LINGO2: variants seen among roughly 807,000 people sequenced by gnomAD.
LINGO2 encodes the protein leucine-rich repeat and immunoglobulin-like domain-containing nogo receptor-interacting protein 2.
Under a neutral mutation model 30.6 loss-of-function variants are expected in LINGO2, and 14 were observed. That is an observed-to-expected ratio of 0.46 (90% CI 0.30 to 0.72). The LOEUF is 0.72. Ranked by LOEUF, LINGO2 falls within the 30% of genes least tolerant of loss-of-function variation. LINGO2 has a pLI of 0.07. For synonymous variants in LINGO2, 317 were observed against 288.5 expected (o/e 1.10, Z -1.00); for missense variants, 729 against 751.7 (o/e 0.97, Z 0.35).
At chr9:28,863,805 A>G in the LINGO2 span, 1 of 326,108 alleles carries the variant, frequency 3.1e-6, no homozygotes, top group Non-Finnish European at 7.0e-6. Context: ...CAATCAATTG[A>G]AGAATATGCT....
chr9:28,756,893 C>T, the LINGO2 span, among the ~76,000 whole-genome samples: 1 of 151,426 alleles, frequency 6.6e-6, no homozygotes, highest in Non-Finnish European at 1.5e-5. Flanking sequence ...ATAACCTAGT[C>T]TTAGGCAGAT....
At chr9:28,251,137 T>G (rs375197265) in intron 4 of LINGO2, among the ~76,000 whole-genome samples, 63 of 152,322 alleles carry the variant, frequency 4.1e-4, no homozygotes, top group African/African-American at 1.5e-3. Flanking sequence ...ACATTTACTT[T>G]AGAAAACCTC....
the LINGO2 span, among the ~76,000 whole-genome samples, chr9:29,140,569 G>T: frequency 6.6e-6 from 1 of 151,716 alleles, no homozygotes; most frequent in South Asian, 2.1e-4. Flanking sequence ...ATATATTATG[G>T]AAGTCTCAGA....
chr9:28,003,311 A>C (rs898913037), intron 5 of LINGO2, among the ~76,000 whole-genome samples: 1 of 151,776 alleles, frequency 6.6e-6, no homozygotes, highest in Non-Finnish European at 1.5e-5. Context: ...CATTTTTATT[A>C]GTTTTTGTTA....
chr9:28,530,710 CTAAT>C (rs1821199933), intron 1 of LINGO2, among the ~76,000 whole-genome samples: 1 of 152,064 alleles, frequency 6.6e-6, no homozygotes, highest in African/African-American at 2.4e-5. Context: ...AAAGACAACA[CTAAT>C]TATGTGTCAG....
At chr9:28,245,320 C>T (rs1270077490) in intron 4 of LINGO2, among the ~76,000 whole-genome samples, 1 of 152,092 alleles carries the variant, frequency 6.6e-6, no homozygotes, top group Admixed American at 6.6e-5. Context: ...ATAATAAGTG[C>T]TATTTATAAC....
At chr9:28,222,529 TA>T (rs201689042) in intron 4 of LINGO2, among the ~76,000 whole-genome samples, 18 of 150,010 alleles carry the variant, frequency 1.2e-4, no homozygotes, top group Middle Eastern at 3.4e-3. Context: ...AGGCAAAATT[TA>T]AAAAAAAAAA....
the LINGO2 span, among the ~76,000 whole-genome samples, chr9:29,116,091 A>G: frequency 6.6e-6 from 1 of 151,898 alleles, no homozygotes; most frequent in Admixed American, 6.6e-5. Context: ...AAGCTGGGCT[A>G]TAACGAATGA....
intron 5 of LINGO2, among the ~76,000 whole-genome samples, chr9:27,959,550 T>C (rs1409648313): frequency 6.6e-6 from 1 of 152,192 alleles, no homozygotes; most frequent in Non-Finnish European, 1.5e-5. Context: ...TTCCCTTCTT[T>C]AGGATTTAGT....
the LINGO2 span, among the ~76,000 whole-genome samples, chr9:28,981,512 T>C: frequency 2.0e-4 from 31 of 152,108 alleles, no homozygotes; most frequent in Non-Finnish European, 4.3e-4. Context: ...TATTCCCTTA[T>C]ACATCACTTT....
chr9:28,002,145 C>T (rs1312667433), intron 5 of LINGO2, among the ~76,000 whole-genome samples: 1 of 152,136 alleles, frequency 6.6e-6, no homozygotes, highest in East Asian at 1.9e-4. Context: ...GACCAATGAA[C>T]ATAGATAAAT....
chr9:28,579,665 G>A (rs576133985), intron 1 of LINGO2, among the ~76,000 whole-genome samples: 81 of 152,182 alleles, frequency 5.3e-4, no homozygotes, highest in Admixed American at 1.6e-3. Flanking sequence ...CTGCCAAACT[G>A]AGAGGCAATA....
the LINGO2 span, among the ~76,000 whole-genome samples, chr9:28,737,287 C>T: frequency 6.6e-6 from 1 of 152,106 alleles, no homozygotes; most frequent in Non-Finnish European, 1.5e-5. Context: ...GATACTAAAG[C>T]CACAATGAAG....
the LINGO2 span, among the ~76,000 whole-genome samples, chr9:28,840,828 G>C: frequency 6.6e-6 from 1 of 151,856 alleles, no homozygotes; most frequent in East Asian, 1.9e-4. Flanking sequence ...CCAGAAGGGA[G>C]AGTAATTTGG....
chr9:28,042,416 G>C (rs981853745), intron 4 of LINGO2, among the ~76,000 whole-genome samples: 1 of 152,160 alleles, frequency 6.6e-6, no homozygotes, highest in Non-Finnish European at 1.5e-5. Context: ...AAAGTCACTG[G>C]TATATGCTGG....
intron 1 of LINGO2, among the ~76,000 whole-genome samples, chr9:28,492,134 C>T (rs548468152): frequency 7.9e-5 from 12 of 152,276 alleles, no homozygotes; most frequent in African/African-American, 2.4e-4. Flanking sequence ...CTCTCTCTCC[C>T]GTGATTCCTA....
intron 4 of LINGO2, among the ~76,000 whole-genome samples, chr9:28,069,038 C>T (rs1385984015): frequency 1.3e-5 from 2 of 152,016 alleles, no homozygotes; most frequent in East Asian, 1.9e-4. Flanking sequence ...TACAGAGAAG[C>T]AGAAGATAAA....
chr9:28,104,254 A>AATTT (rs1586993156), intron 4 of LINGO2, among the ~76,000 whole-genome samples: 3 of 90,226 alleles, frequency 3.3e-5, no homozygotes, highest in African/African-American at 6.8e-5. Flanking sequence ...CCCCAGTACA[A>AATTT]GTTTTTTGTT....
At chr9:28,782,671 A>T in the LINGO2 span, among the ~76,000 whole-genome samples, 2 of 152,188 alleles carry the variant, frequency 1.3e-5, no homozygotes, top group African/African-American at 4.8e-5. Context: ...TTTTCTTTCC[A>T]ACAGTGAAGA....
Sources: allele counts gnomAD v4.1 joint callset (sites outside exome capture counted in the v4.1 genomes callset), GRCh38; gene constraint gnomAD v4.1.1; transcripts MANE v1.5; gene names NCBI Gene and HGNC (gene_info 2026-07-23, HGNC 2026-07-21).